The following TUFT1 variants were observed in gnomAD, a reference collection of about 807,000 sequenced individuals.
TUFT1 encodes the protein tuftelin.
Under a neutral mutation model 57.8 loss-of-function variants are expected in TUFT1, and 43 were observed. That is an observed-to-expected ratio of 0.74 (90% confidence interval 0.58 to 0.96). The LOEUF is 0.96. Ranked by LOEUF, TUFT1 falls within the 40% of genes least tolerant of loss-of-function variation. TUFT1 has a pLI of 0.00. For missense variants in TUFT1, 459 were observed against 489.0 expected (o/e 0.94, Z 0.58); for synonymous variants, 166 against 176.7 (o/e 0.94, Z 0.48).
chr1:151,547,048 CTTTCAAG>C (rs1231357413), intron 1 of TUFT1, among the ~76,000 whole-genome samples: 1 of 152,170 alleles, frequency 6.6e-6, no homozygotes, highest in Non-Finnish European at 1.5e-5. Flanking sequence ...GCAGAGGAGC[CTTTCAAG>C]TTTGGTGGCT....
At chr1:151,552,483 T>C (rs554276902) in intron 1 of TUFT1, among the ~76,000 whole-genome samples, 1 of 152,176 alleles carries the variant, frequency 6.6e-6, no homozygotes, top group African/African-American at 2.4e-5. Flanking sequence ...GCGGGTGGAT[T>C]ACCTGAGGTC....
At chr1:151,550,073 T>C (rs1665461740) in intron 1 of TUFT1, among the ~76,000 whole-genome samples, 1 of 151,942 alleles carries the variant, frequency 6.6e-6, no homozygotes, top group Non-Finnish European at 1.5e-5. Flanking sequence ...TATAGGAGTG[T>C]CACAGGGCTC....
intron 5 of TUFT1, chr1:151,565,126 C>G (rs1666022156): frequency 6.5e-6 from 1 of 152,828 alleles, no homozygotes; most frequent in East Asian, 1.9e-4. Flanking sequence ...CACCCCACCC[C>G]ACCCCACCTC....
At position 151,574,373 on chromosome 1, in the gene TUFT1, A is replaced by G. The variant is rs1430916755; in HGVS notation, c.698A>G (p.Gln233Arg). The stretch of plus-strand genomic sequence containing the variant: ...AAAGAGGCAGAAGTCGGAGAGCTGC[A>G]GAGGCGCTTGCTAGGGATGGAGACG... ...EQKEAEVGEL[Q>R]RRLLGMETEH... is the part of the protein sequence containing the mutation. Residue 233 changes from glutamine (Q) to arginine (R), a missense_variant, in exon 8 of 13, where the codon CAG (glutamine) becomes CGG (arginine). Coordinates refer to ENST00000368849, the MANE Select transcript of TUFT1 (RefSeq NM_020127.3). 3 of 1,614,148 alleles carry G rather than the reference A, an allele frequency of 1.9e-6. No individual in the cohort carries two copies. The highest frequency in any genetic ancestry group is 2.5e-6 in the Non-Finnish European group (3 of 1,180,020).
In TUFT1 at chr1:151,575,635, T is replaced by A. The variant is rs550098585; in HGVS notation, c.818+630T>A. Among the ~76,000 whole-genome samples, 6 of 152,346 alleles carry A rather than the reference T, an allele frequency of 3.9e-5. No individual in the cohort carries two copies. The South Asian group carries it at 1.0e-3, about 26-fold the overall frequency. ...AAGCCTACAGAGCAAAGATTGTGCC[T>A]TCTAGAACTTCAGGAATTTGGAAGT... On this transcript the variant is annotated intron_variant, in intron 9 of 12. Transcript: ENST00000368849.
chr1:151,578,712 T>C lies in TUFT1; in HGVS notation c.819-9T>C. 1 of 1,551,906 alleles carries C rather than the reference T, an allele frequency of 6.4e-7. No homozygotes were observed. Among genetic ancestry groups the C allele is most frequent in the Non-Finnish European group, 8.7e-7 (1 of 1,146,214 alleles). On this transcript the variant is annotated splice_polypyrimidine_tract_variant and intron_variant, in intron 9 of 12. Transcript: ENST00000368849. The stretch of plus-strand genomic sequence containing the variant: ...TCCATTGCCTCAGCCTTCTGGTCTT[T>C]ATCCCCAGGGCTGCTACCCTGGAAA...
intron 1 of TUFT1, among the ~76,000 whole-genome samples, chr1:151,549,122 T>C (rs1318746660): frequency 2.6e-5 from 4 of 152,230 alleles, no homozygotes; most frequent in Non-Finnish European, 4.4e-5. Context: ...GGTTAGAGGC[T>C]GCTTACCTTG....
chr1:151,546,114 CTCTT>C (rs1665330914), intron 1 of TUFT1, among the ~76,000 whole-genome samples: 1 of 147,970 alleles, frequency 6.8e-6, no homozygotes. Flanking sequence ...CATCCTCTCT[CTCTT>C]TTTCTTTTTC....
At chr1:151,577,917 A>G (rs1430613011) in intron 9 of TUFT1, among the ~76,000 whole-genome samples, 1 of 151,930 alleles carries the variant, frequency 6.6e-6, no homozygotes, top group Non-Finnish European at 1.5e-5. Flanking sequence ...TCCCAGCTAC[A>G]TGGGAGACTG....
At chr1:151,557,020 C>T (rs1433227172) in intron 1 of TUFT1, among the ~76,000 whole-genome samples, 7 of 152,046 alleles carry the variant, frequency 4.6e-5, no homozygotes, top group East Asian at 3.9e-4. Context: ...CTATGATGCC[C>T]GGTTCTGTTT....
Position 151,581,762 on chromosome 1 carries a change from C to T in TUFT1, c.*55C>T. 1 of 1,588,434 alleles carries T rather than the reference C, an allele frequency of 6.3e-7. No individual in the cohort carries two copies. Among genetic ancestry groups the T allele is most frequent in the Non-Finnish European group, 8.6e-7 (1 of 1,156,982 alleles). On this transcript the variant is annotated 3_prime_UTR_variant, in exon 13 of 13. Coordinates refer to ENST00000368849, the MANE Select transcript of TUFT1 (RefSeq NM_020127.3). Reference sequence around the variant, plus strand: ...GCTGCCTCTGCCTCGGAGAAGCCCACTGCCCCTGTTGGCTGTTAACACTGC... The same window carrying T: ...GCTGCCTCTGCCTCGGAGAAGCCCATTGCCCCTGTTGGCTGTTAACACTGC...
intron 1 of TUFT1, among the ~76,000 whole-genome samples, chr1:151,550,588 G>A (rs1351072536): frequency 6.6e-6 from 1 of 151,172 alleles, no homozygotes; most frequent in African/African-American, 2.4e-5. Flanking sequence ...CAAGTGATCT[G>A]CCTGCCTCGG....
intron 5 of TUFT1, chr1:151,564,821 T>A (rs745448754): frequency 2.3e-5 from 11 of 472,418 alleles, no homozygotes; most frequent in Non-Finnish European, 3.4e-5. Context: ...CATGTCAGCT[T>A]AAACATAAGT....
intron 1 of TUFT1, among the ~76,000 whole-genome samples, chr1:151,556,073 A>T (rs1156983179): frequency 6.6e-6 from 1 of 152,152 alleles, no homozygotes; most frequent in African/African-American, 2.4e-5. Flanking sequence ...TTTGTTATTT[A>T]AAAAATGTTA....
rs770577589 is a variant in TUFT1 at position 151,579,741 on chromosome 1, G to A, written c.1008+9G>A. On this transcript the variant is annotated intron_variant, in intron 11 of 12. Transcript: ENST00000368849. The stretch of plus-strand genomic sequence containing the variant: ...CCTATCTGGAGGCAGAGGTGTGTGT[G>A]CTGGGCAGCCCAGCAGGGGAACAGG... The A allele has an allele frequency of 1.4e-5, 23 of 1,612,644 alleles. No homozygotes were observed. The highest frequency in any genetic ancestry group is 1.7e-5 in the Non-Finnish European group (20 of 1,179,396).
chr1:151,569,856 G>C, intron 7 of TUFT1, 86 bp downstream of exon 7: 1 of 1,119,948 alleles, frequency 8.9e-7, no homozygotes, highest in Non-Finnish European at 1.3e-6. Flanking sequence ...TGGACTTCCT[G>C]TCTTTCTGGC....
intron 3 of TUFT1, 122 bp from the exon 4 acceptor site, chr1:151,563,782 A>G (rs1558008749): frequency 1.2e-6 from 1 of 812,732 alleles, no homozygotes. Flanking sequence ...CCGAATCACC[A>G]AATTCCACCC....
Position 151,581,889 on chromosome 1 carries a change from C to G in TUFT1, c.*182C>G. On this transcript the variant is annotated 3_prime_UTR_variant, in exon 13 of 13. Transcript: ENST00000368849. Reference sequence around the variant, plus strand: ...CACTCTAAGCTGGGCAGACGGAGCACGAGCACCTATTCAAGGCACTGCAGC... The same window carrying G: ...CACTCTAAGCTGGGCAGACGGAGCAGGAGCACCTATTCAAGGCACTGCAGC... The G allele has an allele frequency of 1.5e-6, 1 of 652,354 alleles. No individual in the cohort carries two copies. The highest frequency in any genetic ancestry group is 2.7e-6 in the Non-Finnish European group (1 of 365,280). The allele number at this position is 652,354 out of a possible 1,614,324, so 40.4% of individuals were successfully genotyped here.
At chr1:151,564,196 C>A (rs1665990805) in intron 4 of TUFT1, among the ~76,000 whole-genome samples, 1 of 152,164 alleles carries the variant, frequency 6.6e-6, no homozygotes, top group Middle Eastern at 3.2e-3. Flanking sequence ...GTACTATGGG[C>A]CCAGCACTGT....
Sources: allele counts gnomAD v4.1 joint callset (sites outside exome capture counted in the v4.1 genomes callset), GRCh38; gene constraint gnomAD v4.1.1; transcripts MANE v1.5; gene names NCBI Gene and HGNC (gene_info 2026-07-23, HGNC 2026-07-21).